CCDC141: variants seen among roughly 807,000 people sequenced by gnomAD.
CCDC141 encodes the protein coiled-coil domain containing 141.
Under a neutral mutation model 181.0 loss-of-function variants are expected in CCDC141, and 168 were observed. The ratio of observed to expected loss-of-function variants is 0.93; its 90% CI spans 0.82 to 1.05. CCDC141 has a LOEUF of 1.05. Among genes scored for constraint, CCDC141 ranks in the 50% least tolerant of loss-of-function variants. The probability of loss-of-function intolerance (pLI) is 0.00; values close to 1 mark genes in which losing one functional copy is unlikely to be tolerated. For synonymous variants in CCDC141, 666 were observed against 642.3 expected, an observed-to-expected ratio of 1.04 and a Z score of -0.56; for missense variants, 1,902 against 1,788.5, an observed-to-expected ratio of 1.06 and a Z score of -1.14.
At chr2:178,941,210 C>T (rs1027418908) in intron 6 of CCDC141, among the ~76,000 whole-genome samples, 1 of 152,154 alleles carries the variant, frequency 6.6e-6, no homozygotes, top group Non-Finnish European at 1.5e-5. Context: ...GGTTTGACCA[C>T]CCCCTCCTAA....
At position 178,921,022 on chromosome 2, in the gene CCDC141, C is replaced by T. The variant is rs530475450; in HGVS notation, c.898-2115G>A. 4.6e-5 allele frequency among the ~76,000 whole-genome samples: 7 copies of T among 152,204 alleles called. No homozygotes were observed. The East Asian group carries it at 1.3e-3, about 29-fold the overall frequency. ...AGTATGCTACTCAAGGTTACGTATC[C>T]AGTAAGAGGCAGTACCAGGACTAGT... On this transcript the variant is annotated intron_variant, in intron 6 of 23. Transcript: ENST00000443758.
intron 5 of CCDC141, among the ~76,000 whole-genome samples, chr2:178,957,265 G>A (rs1690201419): frequency 6.6e-6 from 1 of 152,212 alleles, no homozygotes; most frequent in Non-Finnish European, 1.5e-5. Flanking sequence ...GCTATGCACT[G>A]TGCTACATGT....
At chr2:178,815,084 G>T in the CCDC141 span, among the ~76,000 whole-genome samples, 3 of 152,152 alleles carry the variant, frequency 2.0e-5, no homozygotes, top group Admixed American at 6.6e-5. Flanking sequence ...TTTAATCTTC[G>T]AACTTCAAGT....
intron 4 of CCDC141, 132 bp from the exon 5 acceptor site, chr2:178,961,615 T>C: frequency 1.3e-6 from 1 of 790,374 alleles, no homozygotes; most frequent in Non-Finnish European, 1.9e-6. Context: ...TGCAAGGAAT[T>C]AAAATATGTA....
intron 8 of CCDC141, among the ~76,000 whole-genome samples, chr2:178,900,761 CA>C (rs1190050313): frequency 6.6e-6 from 1 of 152,088 alleles, no homozygotes; most frequent in Non-Finnish European, 1.5e-5. Flanking sequence ...TCCAGGAGTT[CA>C]GCATCAAAAC....
chr2:178,923,624 C>A (rs989727586), intron 6 of CCDC141, among the ~76,000 whole-genome samples: 6 of 152,198 alleles, frequency 3.9e-5, no homozygotes, highest in African/African-American at 7.2e-5. Context: ...TCCCCACCAG[C>A]AGAAAGCCAA....
chr2:178,949,878 G>A (rs568729606), intron 5 of CCDC141, among the ~76,000 whole-genome samples: 18 of 152,280 alleles, frequency 1.2e-4, no homozygotes, highest in African/African-American at 3.1e-4. Context: ...CAACTCAGGC[G>A]GCAAGAAGGT....
rs3045634 is a variant in CCDC141, at chr2:178,851,205, CAAA to C, written c.3245-1047_3245-1045del. On this transcript the variant is annotated intron_variant, in intron 20 of 23. Transcript: ENST00000443758. ...TGGGTGACAAAGCAAGACTTTGTCT[CAAA>C]AAAAAAAAAAAAAAAAGGACTTCTT... 4.3e-3 allele frequency among the ~76,000 whole-genome samples: 445 copies of C among 103,754 alleles called. 4 individuals carry two copies. The highest frequency in any genetic ancestry group is 0.013 in the African/African-American group (374 of 27,850). The allele number at this position is 103,754 out of a possible 152,430, so 68.1% of individuals were successfully genotyped here.
intron 6 of CCDC141, among the ~76,000 whole-genome samples, chr2:178,924,981 G>T (rs1688858986): frequency 6.6e-6 from 1 of 152,192 alleles, no homozygotes; most frequent in African/African-American, 2.4e-5. Context: ...TTACTTCAGT[G>T]CAATGACAGT....
chr2:178,942,471 G>C (rs1300421955), intron 6 of CCDC141, among the ~76,000 whole-genome samples: 1 of 152,148 alleles, frequency 6.6e-6, no homozygotes, highest in East Asian at 1.9e-4. Flanking sequence ...ACAGTAAAAA[G>C]ATCAGTGGTT....
intron 2 of CCDC141, among the ~76,000 whole-genome samples, chr2:179,036,200 C>T (rs1387318941): frequency 1.3e-5 from 2 of 152,192 alleles, no homozygotes; most frequent in Non-Finnish European, 2.9e-5. Context: ...CAGTCTCTGC[C>T]TACAAAATTC....
chr2:178,857,731 C>T (rs1007311096), intron 17 of CCDC141, among the ~76,000 whole-genome samples: 1 of 152,096 alleles, frequency 6.6e-6, no homozygotes, highest in African/African-American at 2.4e-5. Context: ...TGAACAATGT[C>T]ATGGTTGATA....
At chr2:178,821,758 A>T in the CCDC141 span, among the ~76,000 whole-genome samples, 4 of 152,216 alleles carry the variant, frequency 2.6e-5, no homozygotes, top group African/African-American at 9.6e-5. Flanking sequence ...GTTAGGAAAC[A>T]ACAGGTGCTG....
At chr2:179,026,659 G>A (rs541881895) in intron 2 of CCDC141, among the ~76,000 whole-genome samples, 1 of 152,262 alleles carries the variant, frequency 6.6e-6, no homozygotes, top group South Asian at 2.1e-4. Context: ...TCTCCTCCAG[G>A]ACCCAGAATG....
At chr2:179,015,681 T>C (rs1203367329) in intron 2 of CCDC141, among the ~76,000 whole-genome samples, 3 of 141,590 alleles carry the variant, frequency 2.1e-5, no homozygotes, top group Non-Finnish European at 4.5e-5. Context: ...ATCTCATATA[T>C]ATCTCATACA....
chr2:178,860,759 C>T (rs998426223), intron 17 of CCDC141, among the ~76,000 whole-genome samples: 7 of 151,600 alleles, frequency 4.6e-5, no homozygotes, highest in South Asian at 2.1e-4. Context: ...TGAGGCCAGC[C>T]GCTAGCGGCT....
intron 5 of CCDC141, among the ~76,000 whole-genome samples, chr2:178,959,054 A>G (rs1690278632): frequency 6.6e-6 from 1 of 152,084 alleles, no homozygotes; most frequent in Non-Finnish European, 1.5e-5. Flanking sequence ...CAAAAAACCA[A>G]ACACCCCATG....
At position 178,961,322 on chromosome 2, in the gene CCDC141, T is replaced by C. The variant is rs1156600750; in HGVS notation, c.688A>G (p.Arg230Gly). The stretch of plus-strand genomic sequence containing the variant: ...AAGTACTTGTCTAGTTGTCTTCTCC[T>C]GTCTTGTAGAAGTTCAAGAAGGCGG... ...VDRLLELLQD[R>G]RRQLDKYLKQ... The change falls in exon 5 of 24, where the codon AGG becomes GGG. Residue 230 changes from arginine (R) to glycine (G), a missense_variant. Coordinates refer to ENST00000443758, the MANE Select transcript of CCDC141 (RefSeq NM_173648.4). 1.3e-6 allele frequency: 2 copies of C among 1,550,466 alleles called. No individual in the cohort carries two copies. Among genetic ancestry groups the C allele is most frequent in the African/African-American group, 1.4e-5 (1 of 73,044 alleles).
intron 6 of CCDC141, among the ~76,000 whole-genome samples, chr2:178,938,623 G>A (rs1689385850): frequency 6.6e-6 from 1 of 152,164 alleles, no homozygotes. Flanking sequence ...TTGGTCCAAT[G>A]TTGAGTTCAG....
Sources: allele counts gnomAD v4.1 joint callset (sites outside exome capture counted in the v4.1 genomes callset), GRCh38; gene constraint gnomAD v4.1.1; transcripts MANE v1.5; gene names NCBI Gene and HGNC (gene_info 2026-07-23, HGNC 2026-07-21).